The following NDRG3 variants were observed in gnomAD, a reference collection of about 807,000 sequenced individuals.
NDRG3 encodes the protein NDRG family member 3.
A neutral mutation model predicts 57.2 loss-of-function variants in NDRG3; 23 were observed. The ratio of observed to expected loss-of-function variants is 0.40; its 90% CI spans 0.29 to 0.57. The LOEUF is 0.57. NDRG3 is among the 20% of genes least tolerant of loss of function. The probability of loss-of-function intolerance (pLI) is 0.42; values close to 1 mark genes in which losing one functional copy is unlikely to be tolerated. For synonymous variants in NDRG3, 132 were observed against 162.6 expected, an observed-to-expected ratio of 0.81 and a Z score of 1.43; for missense variants, 384 against 457.3, an observed-to-expected ratio of 0.84 and a Z score of 1.46.
chr20:36,697,967 T>C (rs1160301796), intron 3 of NDRG3, among the ~76,000 whole-genome samples: 15 of 143,498 alleles, frequency 1.0e-4, no homozygotes, highest in African/African-American at 2.4e-4. Context: ...TTTTTTCTTT[T>C]TTTTTTTTTT....
At position 36,701,605 on chromosome 20, in the gene NDRG3, T is replaced by C. The variant is rs532249837; in HGVS notation, c.93+5367A>G. Among the ~76,000 whole-genome samples, 186 of 147,774 alleles carry C rather than the reference T, an allele frequency of 1.3e-3. 2 individuals are homozygous for C. Among genetic ancestry groups the C allele is most frequent in the South Asian group, 3.2e-3 (15 of 4,620 alleles). On this transcript the variant is annotated intron_variant, in intron 3 of 15. Transcript: ENST00000349004. ...TCTTTTTGCCCAGGCTGGAGTGCAA[T>C]GGTGCGATCTCAGCCCACCACAACC...
At chr20:36,654,212 T>G (rs1430804159) in intron 15 of NDRG3, among the ~76,000 whole-genome samples, 1 of 152,284 alleles carries the variant, frequency 6.6e-6, no homozygotes, top group Non-Finnish European at 1.5e-5. Flanking sequence ...GGAGGGCAGA[T>G]TGGCTTGGAG....
At chr20:36,655,917 TGAGGTCAA>T (rs1290559448) in intron 15 of NDRG3, among the ~76,000 whole-genome samples, 1 of 152,098 alleles carries the variant, frequency 6.6e-6, no homozygotes, top group Admixed American at 6.5e-5. Context: ...AGGCAGATCA[TGAGGTCAA>T]GAGATCAAGA....
chr20:36,692,544 G>A (rs1982354934), intron 3 of NDRG3, among the ~76,000 whole-genome samples: 1 of 152,100 alleles, frequency 6.6e-6, no homozygotes, highest in Admixed American at 6.6e-5. Flanking sequence ...TATACTGTTG[G>A]TAAGGCATAT....
At chr20:36,722,011 C>A (rs1308545102) in intron 1 of NDRG3, among the ~76,000 whole-genome samples, 1 of 152,088 alleles carries the variant, frequency 6.6e-6, no homozygotes, top group Admixed American at 6.6e-5. Context: ...GTGCGCAGGG[C>A]CTGTGGCTTG....
intron 12 of NDRG3, among the ~76,000 whole-genome samples, chr20:36,662,230 C>CTTTTTT (rs749800383): frequency 2.2e-5 from 3 of 139,226 alleles, no homozygotes; most frequent in African/African-American, 2.7e-5. Context: ...TTTTCTTTTT[C>CTTTTTT]TTTTTTTTTT....
At chr20:36,712,088 G>GT (rs1001769809) in intron 2 of NDRG3, among the ~76,000 whole-genome samples, 5 of 151,612 alleles carry the variant, frequency 3.3e-5, no homozygotes, top group Non-Finnish European at 5.9e-5. Context: ...GCACCTGGTT[G>GT]TTTTTTTGTT....
In NDRG3 at chr20:36,652,925, ACAAT is replaced by A. The variant is rs1287075423; in HGVS notation, c.*591_*594del. ...AACAGGCACCCTTCTGCTACTGGTC[ACAAT>A]CAATCAATGGTCCAGACGGCAATTA... On this transcript the variant is annotated 3_prime_UTR_variant, in exon 16 of 16. Coordinates refer to ENST00000349004, the MANE Select transcript of NDRG3 (RefSeq NM_032013.4). The A allele has an allele frequency of 6.6e-6, 1 of 152,438 alleles. No individual in the cohort carries two copies. Among genetic ancestry groups the A allele is most frequent in the Non-Finnish European group, 1.5e-5 (1 of 68,060 alleles). 9.4% of individuals were successfully genotyped at this position (152,438 alleles called of 1,614,324 possible). A position where few individuals can be genotyped will look rare whatever the true frequency, so the allele number is the denominator to read the frequency against.
At chr20:36,700,924 C>G (rs1983183061) in intron 3 of NDRG3, among the ~76,000 whole-genome samples, 1 of 152,082 alleles carries the variant, frequency 6.6e-6, no homozygotes, top group Admixed American at 6.6e-5. Context: ...CACATGCTTG[C>G]CATCATACCC....
chr20:36,683,185 A>C (rs1018627134), intron 6 of NDRG3, among the ~76,000 whole-genome samples: 1 of 152,104 alleles, frequency 6.6e-6, no homozygotes, highest in Non-Finnish European at 1.5e-5. Context: ...TGGAGCTTGC[A>C]GTGAGCCGAG....
At chr20:36,684,520 T>TCCCTCTCCCTC in intron 5 of NDRG3, 45 bp from the exon 6 acceptor site, 4 of 1,529,764 alleles carry the variant, frequency 2.6e-6, no homozygotes, top group Non-Finnish European at 3.6e-6. Context: ...GCACTCACAA[T>TCCCTCTCCCTC]TCCCAGTTGC....
intron 2 of NDRG3, among the ~76,000 whole-genome samples, chr20:36,714,528 G>A (rs1290433165): frequency 7.0e-5 from 10 of 141,920 alleles, no homozygotes; most frequent in Non-Finnish European, 1.2e-4. Context: ...AGCAACCTCC[G>A]CCTCCTGGGT....
chr20:36,654,640 TG>T (rs1490598892), intron 15 of NDRG3, among the ~76,000 whole-genome samples: 1 of 152,192 alleles, frequency 6.6e-6, no homozygotes, highest in African/African-American at 2.4e-5. Context: ...TTCCTCCTCC[TG>T]GGGGACCAGG....
chr20:36,654,765 T>TGGCTGGGCCAGCACAGA (rs1978507505), intron 15 of NDRG3: 1 of 779,434 alleles, frequency 1.3e-6, no homozygotes, highest in Non-Finnish European at 2.4e-6. Context: ...CAGGAGAGAC[T>TGGCTGGGCCAGCACAGA]GGAAGGCGGG....
intron 12 of NDRG3, among the ~76,000 whole-genome samples, chr20:36,663,638 T>C (rs1037592741): frequency 6.6e-6 from 1 of 152,180 alleles, no homozygotes; most frequent in Non-Finnish European, 1.5e-5. Context: ...ACAGTGCTGG[T>C]GGCAATATAC....
chr20:36,699,840 G>A (rs1187874979), intron 3 of NDRG3, among the ~76,000 whole-genome samples: 1 of 151,626 alleles, frequency 6.6e-6, no homozygotes, highest in East Asian at 1.9e-4. Flanking sequence ...GATGAGGGAG[G>A]CCGGGCACGG....
intron 8 of NDRG3, among the ~76,000 whole-genome samples, chr20:36,675,255 T>C (rs996127219): frequency 7.3e-5 from 11 of 151,718 alleles, no homozygotes; most frequent in African/African-American, 2.7e-4. Flanking sequence ...AGACGGGGTT[T>C]TGCCACGTTG....
intron 8 of NDRG3, among the ~76,000 whole-genome samples, chr20:36,673,165 G>A (rs1401575473): frequency 6.6e-6 from 1 of 152,032 alleles, no homozygotes; most frequent in African/African-American, 2.4e-5. Flanking sequence ...CGCCCAGCCA[G>A]GACATATTTT....
chr20:36,673,824 G>C (rs189443283), intron 8 of NDRG3, among the ~76,000 whole-genome samples: 14 of 152,188 alleles, frequency 9.2e-5, no homozygotes, highest in African/African-American at 2.9e-4. Context: ...AAAACATTTG[G>C]CCGGGCGCAG....
Sources: gnomAD v4.1 joint callset for allele counts (sites outside exome capture counted in the v4.1 genomes callset) on GRCh38, gnomAD v4.1.1 for gene constraint, MANE v1.5 for transcripts, NCBI Gene and HGNC (gene_info 2026-07-23, HGNC 2026-07-21) for gene names.